CCNY: variants seen among roughly 807,000 people sequenced by gnomAD.
The protein encoded by CCNY is cyclin Y.
Under a neutral mutation model 42.8 loss-of-function variants are expected in CCNY, and 19 were observed. That is an observed-to-expected ratio of 0.44 (90% CI 0.31 to 0.65). The LOEUF is 0.65. Ranked by LOEUF, CCNY falls within the 30% of genes least tolerant of loss-of-function variation. The probability of loss-of-function intolerance (pLI) is 0.07; values close to 1 mark genes in which losing one functional copy is unlikely to be tolerated. For missense variants in CCNY, 370 were observed against 437.3 expected (o/e 0.85, Z 1.37); for synonymous variants, 165 against 162.7 (o/e 1.01, Z -0.11).
intron 1 of CCNY, among the ~76,000 whole-genome samples, chr10:35,470,539 G>T (rs1018063206): frequency 2.0e-5 from 3 of 152,238 alleles, no homozygotes; most frequent in African/African-American, 4.8e-5. Flanking sequence ...GGCACCAGTG[G>T]CTGAAAGAGA....
intron 2 of CCNY, among the ~76,000 whole-genome samples, chr10:35,501,173 A>G (rs1365695668): frequency 6.6e-6 from 1 of 152,184 alleles, no homozygotes; most frequent in African/African-American, 2.4e-5. Flanking sequence ...TAATTATGTT[A>G]AACTAATAGA....
chr10:35,529,700 T>G (rs1772406675), intron 5 of CCNY, among the ~76,000 whole-genome samples: 1 of 128,058 alleles, frequency 7.8e-6, no homozygotes, highest in South Asian at 2.4e-4. Flanking sequence ...TTGTCTCTAC[T>G]AAAAATACAA....
chr10:35,386,004 G>GT (rs1201127122), intron 1 of CCNY, among the ~76,000 whole-genome samples: 223 of 149,174 alleles, frequency 1.5e-3, no homozygotes, highest in South Asian at 3.0e-3. Flanking sequence ...TTGTCTTTCT[G>GT]TTTTTTTTTT....
At chr10:35,450,506 G>A (rs528845045) in intron 1 of CCNY, among the ~76,000 whole-genome samples, 154 of 152,226 alleles carry the variant, frequency 1.0e-3, no homozygotes, top group African/African-American at 3.3e-3. Flanking sequence ...CAGCCTGGGA[G>A]TTGTCAGCTT....
chr10:35,249,713 C>T (rs191142148), intron 2 of CCNY, among the ~76,000 whole-genome samples: 1 of 152,178 alleles, frequency 6.6e-6, no homozygotes, highest in Non-Finnish European at 1.5e-5. Context: ...AGTAGGGAGT[C>T]CTTGCAGAAA....
intron 3 of CCNY, among the ~76,000 whole-genome samples, chr10:35,270,826 T>C (rs556378788): frequency 1.7e-4 from 26 of 150,522 alleles, no homozygotes; most frequent in Non-Finnish European, 3.1e-4. Context: ...CCCGGGTTCA[T>C]GCCAGTCTCC....
intron 3 of CCNY, among the ~76,000 whole-genome samples, chr10:35,259,925 C>T (rs1448168387): frequency 6.6e-6 from 1 of 151,420 alleles, no homozygotes; most frequent in Non-Finnish European, 1.5e-5. Context: ...CCTGGGGCAT[C>T]CCATTGGCTC....
chr10:35,570,078 C>T lies in CCNY; in HGVS notation c.*908C>T, dbSNP rs1306641842. 2 of 152,858 alleles carry T rather than the reference C, an allele frequency of 1.3e-5. No individual in the cohort carries two copies. The highest frequency in any genetic ancestry group is 1.5e-5 in the Non-Finnish European group (1 of 68,036). 9.5% of individuals were successfully genotyped at this position (152,858 alleles called of 1,614,324 possible). Reference sequence around the variant, plus strand: ...GTGCTGGGCATGTGCCTGGAACTACCGAGTAGGAGCCATTTCTTTGTACCC... The same window carrying T: ...GTGCTGGGCATGTGCCTGGAACTACTGAGTAGGAGCCATTTCTTTGTACCC... On this transcript the variant is annotated 3_prime_UTR_variant, in exon 10 of 10. Coordinates refer to ENST00000374704, the MANE Select transcript of CCNY (RefSeq NM_145012.6).
intron 3 of CCNY, among the ~76,000 whole-genome samples, chr10:35,283,194 T>C (rs1835316592): frequency 6.6e-6 from 1 of 152,184 alleles, no homozygotes; most frequent in Non-Finnish European, 1.5e-5. Flanking sequence ...TGACACTAGA[T>C]GATAAAAACT....
At chr10:35,294,776 T>TTTA (rs903451967) in intron 3 of CCNY, among the ~76,000 whole-genome samples, 18 of 152,356 alleles carry the variant, frequency 1.2e-4, no homozygotes, top group African/African-American at 4.1e-4. Flanking sequence ...TGGGAAGCAT[T>TTTA]TTATACCCTT....
chr10:35,335,856 GAC>G (rs113808457), upstream of CCNY: 99 of 145,764 alleles, frequency 6.8e-4, no homozygotes, highest in Non-Finnish European at 1.0e-3. Flanking sequence ...CTACTTTGGA[GAC>G]ACACACACAC....
intron 3 of CCNY, among the ~76,000 whole-genome samples, chr10:35,293,782 C>A (rs561284632): frequency 1.3e-5 from 2 of 151,202 alleles, no homozygotes; most frequent in South Asian, 2.1e-4. Context: ...TACAGACATA[C>A]AATTGATTTT....
intron 2 of CCNY, 49 bp downstream of exon 2, chr10:35,483,527 A>G (rs1839719899): frequency 8.4e-7 from 1 of 1,191,024 alleles, no homozygotes; most frequent in Non-Finnish European, 1.2e-6. Flanking sequence ...TCATGTTGGT[A>G]CTTCGCCTAG....
At chr10:35,513,491 C>A (rs965867659) in intron 3 of CCNY, among the ~76,000 whole-genome samples, 7 of 152,186 alleles carry the variant, frequency 4.6e-5, no homozygotes, top group Non-Finnish European at 1.0e-4. Flanking sequence ...ATCCCTGTTG[C>A]TTTTTTGACC....
chr10:35,321,316 A>G (rs1835819841), intron 3 of CCNY, among the ~76,000 whole-genome samples: 1 of 152,108 alleles, frequency 6.6e-6, no homozygotes, highest in African/African-American at 2.4e-5. Context: ...GAACTACAAG[A>G]CTAAATATGA....
At chr10:35,313,134 A>G (rs1246035499) in intron 3 of CCNY, among the ~76,000 whole-genome samples, 1 of 152,034 alleles carries the variant, frequency 6.6e-6, no homozygotes, top group African/African-American at 2.4e-5. Context: ...TCCCTTTCAC[A>G]TGATCCTGAA....
chr10:35,498,367 G>A (rs1301587773), intron 2 of CCNY, among the ~76,000 whole-genome samples: 2 of 152,170 alleles, frequency 1.3e-5, no homozygotes, highest in Non-Finnish European at 2.9e-5. Flanking sequence ...TGATGGGAAG[G>A]AACCCTCCTA....
upstream of CCNY, among the ~76,000 whole-genome samples, chr10:35,335,584 C>T (rs1425824229): frequency 6.6e-6 from 1 of 152,032 alleles, no homozygotes; most frequent in Non-Finnish European, 1.5e-5. Context: ...TAGCCAGGTG[C>T]CGTGGCTCAT....
chr10:35,252,426 C>T (rs376398135), intron 3 of CCNY, among the ~76,000 whole-genome samples: 4 of 151,870 alleles, frequency 2.6e-5, no homozygotes, highest in Non-Finnish European at 5.9e-5. Flanking sequence ...ATTAGCCAGG[C>T]GTGGTGGCTG....
Sources: allele counts gnomAD v4.1 joint callset (sites outside exome capture counted in the v4.1 genomes callset), GRCh38; gene constraint gnomAD v4.1.1; transcripts MANE v1.5; gene names NCBI Gene and HGNC (gene_info 2026-07-23, HGNC 2026-07-21).